The following PCDHGA5 variants were observed in gnomAD, a reference collection of about 807,000 sequenced individuals.
PCDHGA5 encodes the protein protocadherin gamma-A5.
PCDHGA5 carries 36 observed loss-of-function variants against 56.7 expected under a neutral mutation model. The observed-to-expected ratio is 0.64, with a 90% CI of 0.49 to 0.84. PCDHGA5 has a LOEUF of 0.84. PCDHGA5 is among the 40% of genes least tolerant of loss of function. The pLI is 0.00. For synonymous variants in PCDHGA5, 563 were observed against 520.2 expected (o/e 1.08, Z -1.12); for missense variants, 1,305 against 1,201.5 (o/e 1.09, Z -1.27).
In PCDHGA5 at chr5:141,432,582, T is replaced by A. The variant is rs1561862595; in HGVS notation, c.2422-62225T>A. 2 of 1,613,236 alleles carry A rather than the reference T, an allele frequency of 1.2e-6. No homozygotes were observed. The highest frequency in any genetic ancestry group is 1.7e-6 in the Non-Finnish European group (2 of 1,179,922). On this transcript the variant is annotated intron_variant, in intron 1 of 3. Transcript: ENST00000518069. This position sits in a 1 kb window ranked among gnomAD's most constrained non-coding sequence, Gnocchi z 6.0. ...CAGAACGCCTGGCTGTCCTACCGTC[T>A]GCTCAAGGCCAGCGAGCCGGGACTC...
At chr5:141,410,097 T>G (rs745439318) in intron 1 of PCDHGA5, 3 of 1,612,664 alleles carry the variant, frequency 1.9e-6, no homozygotes, top group Non-Finnish European at 2.5e-6. Context: ...GCTCGAGCCT[T>G]AGGCGACAGG....
At position 141,379,889 on chromosome 5, in the gene PCDHGA5, C is replaced by CTTTTTTTTTTTTTTTTTT. The variant is rs70988800; in HGVS notation, c.2421+13151_2421+13168dup. On this transcript the variant is annotated intron_variant, in intron 1 of 3. Coordinates refer to ENST00000518069, the MANE Select transcript of PCDHGA5 (RefSeq NM_018918.3). ...CTTATTTTATGGTCTGTGAAAGCCT[C>CTTTTTTTTTTTTTTTTTT]TTTTTTTTTTTTTTTTTTTTTTTTT... is the stretch of plus-strand genomic sequence containing the variant. Among the ~76,000 whole-genome samples the CTTTTTTTTTTTTTTTTTT allele has an allele frequency of 4.1e-3, 211 of 50,852 alleles. 27 individuals are homozygous for CTTTTTTTTTTTTTTTTTT. The highest frequency in any genetic ancestry group is 6.1e-3 in the Non-Finnish European group (157 of 25,898). 33.4% of individuals were successfully genotyped at this position (50,852 alleles called of 152,430 possible). A position where few individuals can be genotyped will look rare whatever the true frequency, so the allele number is the denominator to read the frequency against.
At position 141,365,319 on chromosome 5, in the gene PCDHGA5, G is replaced by T. The variant is rs745669256; in HGVS notation, c.989G>T (p.Ser330Ile). ...VAQDGGALVA[S>I]AKVVVTVQDV... The stretch of plus-strand genomic sequence containing the variant: ...CAGGATGGAGGCGCTCTTGTTGCCA[G>T]CGCTAAGGTGGTGGTCACAGTACAG... Residue 330 changes from serine (S) to isoleucine (I), a missense_variant, in exon 1 of 4, where the codon AGC becomes ATC. Ser to Ile is a moderately radical substitution (Grantham distance 142). Transcript: ENST00000518069. 1.2e-6 allele frequency: 2 copies of T among 1,613,982 alleles called. No homozygotes were observed. Among genetic ancestry groups the T allele is most frequent in the South Asian group, 2.2e-5 (2 of 91,074 alleles).
rs752402965 is a variant in PCDHGA5, at chr5:141,491,400, C to G, written c.2422-3407C>G. The G allele has an allele frequency of 2.7e-5, 44 of 1,613,990 alleles. No individual in the cohort carries two copies. The highest frequency in any genetic ancestry group is 3.5e-5 in the Non-Finnish European group (41 of 1,179,996). On this transcript the variant is annotated intron_variant, in intron 1 of 3. Coordinates refer to ENST00000518069, the MANE Select transcript of PCDHGA5 (RefSeq NM_018918.3). The surrounding 1 kb of genome is among the most constrained non-coding windows in gnomAD (Gnocchi z 6.9). ...TGTCAGCGAAGTGCCTTCAGGGAAA[C>G]GCAGACGGGGACGGGGGTGGAGGGC... is the stretch of plus-strand genomic sequence containing the variant.
chr5:141,433,262 T>A, intron 1 of PCDHGA5: 1 of 1,339,436 alleles, frequency 7.5e-7, no homozygotes, highest in Non-Finnish European at 1.0e-6. Flanking sequence ...GGTACGATCA[T>A]AGCTCACTGC....
chr5:141,508,091 GCCC>G (rs2099866180), intron 3 of PCDHGA5: 1 of 152,482 alleles, frequency 6.6e-6, no homozygotes, highest in Non-Finnish European at 1.5e-5. Flanking sequence ...TGCTGCCTTG[GCCC>G]TGGGATGGGG....
At position 141,477,550 on chromosome 5, in the gene PCDHGA5, C is replaced by T. The variant is rs1262360790; in HGVS notation, c.2422-17257C>T. The T allele has an allele frequency of 4.3e-6, 7 of 1,614,178 alleles. No homozygotes were observed. The highest frequency in any genetic ancestry group is 5.9e-6 in the Non-Finnish European group (7 of 1,180,036). On this transcript the variant is annotated intron_variant, in intron 1 of 3. Transcript: ENST00000518069. This position sits in a 1 kb window ranked among gnomAD's most constrained non-coding sequence, Gnocchi z 4.9. ...ACCTCCCCGGGGCTCCAATACTAAACCTAAGTGTCTGGGACCCCGACGCCC... is the reference window on the plus strand; with the variant it reads ...ACCTCCCCGGGGCTCCAATACTAAATCTAAGTGTCTGGGACCCCGACGCCC...
At chr5:141,413,805 C>T (rs772637762) in intron 1 of PCDHGA5, 1 of 1,613,166 alleles carries the variant, frequency 6.2e-7, no homozygotes, top group South Asian at 1.1e-5. Flanking sequence ...AGGAAGAGGC[C>T]ATTCACCACC....
rs1394484191 is a variant in PCDHGA5 at position 141,486,006 on chromosome 5, C to T, written c.2422-8801C>T. The T allele has an allele frequency of 6.2e-7, 1 of 1,614,190 alleles. No individual in the cohort carries two copies. Among genetic ancestry groups the T allele is most frequent in the Non-Finnish European group, 8.5e-7 (1 of 1,180,026 alleles). Reference sequence around the variant, plus strand: ...GACCTGGGTCCCAGTGGTAACGTCACCTTTTATTTCAGTGGTCATACCCCT... The same window carrying T: ...GACCTGGGTCCCAGTGGTAACGTCATCTTTTATTTCAGTGGTCATACCCCT... On this transcript the variant is annotated intron_variant, in intron 1 of 3. Coordinates refer to ENST00000518069, the MANE Select transcript of PCDHGA5 (RefSeq NM_018918.3). This position sits in a 1 kb window ranked among gnomAD's most constrained non-coding sequence, Gnocchi z 5.0.
intron 1 of PCDHGA5, chr5:141,478,272 A>G: frequency 6.2e-7 from 1 of 1,614,160 alleles, no homozygotes; most frequent in Non-Finnish European, 8.5e-7. Context: ...AAAGTTTACA[A>G]GTGGAAGCAG....
intron 1 of PCDHGA5, among the ~76,000 whole-genome samples, chr5:141,451,435 G>T (rs947210577): frequency 6.6e-6 from 1 of 152,234 alleles, no homozygotes; most frequent in Non-Finnish European, 1.5e-5. Flanking sequence ...AAGGGTTCCA[G>T]TTCCTTGCTG....
intron 1 of PCDHGA5, chr5:141,383,579 A>G (rs756026538): frequency 6.2e-7 from 1 of 1,613,596 alleles, no homozygotes. Context: ...AGCACCGCCC[A>G]CATCCAGGTG....
At chr5:141,383,599 G>C in intron 1 of PCDHGA5, 1 of 1,613,742 alleles carries the variant, frequency 6.2e-7, no homozygotes. Context: ...GACAGTGGTG[G>C]ATGTGAATGA....
At chr5:141,383,288 T>A (rs1441416956) in intron 1 of PCDHGA5, 2 of 1,613,768 alleles carry the variant, frequency 1.2e-6, no homozygotes, top group Middle Eastern at 1.6e-4. Flanking sequence ...AATGACAACG[T>A]TCCAAGATTC....
intron 1 of PCDHGA5, chr5:141,376,202 T>C: frequency 3.7e-6 from 6 of 1,614,174 alleles, no homozygotes; most frequent in Non-Finnish European, 4.2e-6. Context: ...CTTCCTGGCC[T>C]TCGTCATCGT....
At chr5:141,405,173 G>A (rs774181376) in intron 1 of PCDHGA5, 1 of 1,614,122 alleles carries the variant, frequency 6.2e-7, no homozygotes, top group Non-Finnish European at 8.5e-7. Context: ...CTCACACTTT[G>A]TGGGTGTAGA....
chr5:141,366,936 C>A, intron 1 of PCDHGA5, 185 bp downstream of exon 1: 1 of 864,802 alleles, frequency 1.2e-6, no homozygotes, highest in African/African-American at 1.7e-5. Context: ...TTTGGGAAGT[C>A]TAGCTGATAT....
chr5:141,430,560 G>T (rs1184226832), intron 1 of PCDHGA5: 1 of 420,160 alleles, frequency 2.4e-6, no homozygotes, highest in Non-Finnish European at 4.1e-6. Context: ...ACCAATCGGG[G>T]AGAGAAAAGC....
intron 1 of PCDHGA5, chr5:141,478,171 G>A (rs141465380): frequency 7.3e-5 from 118 of 1,613,942 alleles, no homozygotes; most frequent in African/African-American, 1.5e-4. Flanking sequence ...CCCCCCGGGA[G>A]CAGAAAAAAA....
Sources: allele counts gnomAD v4.1 joint callset (sites outside exome capture counted in the v4.1 genomes callset), GRCh38; gene constraint gnomAD v4.1.1; non-coding constraint Gnocchi (gnomAD v3.1); transcripts MANE v1.5; gene names NCBI Gene and HGNC (gene_info 2026-07-23, HGNC 2026-07-21).